MED15: variants seen among roughly 807,000 people sequenced by gnomAD.
The protein encoded by MED15 is mediator of RNA polymerase II transcription subunit 15.
A neutral mutation model predicts 118.7 loss-of-function variants in MED15; 41 were observed. The observed-to-expected ratio is 0.35, with a 90% CI of 0.27 to 0.45. The LOEUF is 0.45. Ranked by LOEUF, MED15 falls within the 20% of genes least tolerant of loss-of-function variation. The pLI is 1.00. For missense variants in MED15, 740 were observed against 1,025.5 expected, an observed-to-expected ratio of 0.72 and a Z score of 3.80; for synonymous variants, 436 against 413.9, an observed-to-expected ratio of 1.05 and a Z score of -0.65.
chr22:20,568,905 T>C (rs1350268605), intron 8 of MED15, among the ~76,000 whole-genome samples: 2 of 152,318 alleles, frequency 1.3e-5, no homozygotes, highest in African/African-American at 4.8e-5. Context: ...CTTGCCACTC[T>C]GAGTGACTCT....
chr22:20,565,585 C>T (rs2056405008), intron 6 of MED15, among the ~76,000 whole-genome samples: 2 of 152,220 alleles, frequency 1.3e-5, no homozygotes, highest in South Asian at 4.1e-4. Flanking sequence ...AGGGCCCCAC[C>T]ACCCTCCCAC....
intron 7 of MED15, among the ~76,000 whole-genome samples, chr22:20,568,083 C>T (rs2056508351): frequency 6.6e-6 from 1 of 152,210 alleles, no homozygotes; most frequent in Non-Finnish European, 1.5e-5. Context: ...TTAAGCGATC[C>T]ACTGGCCTTG....
At chr22:20,569,954 GC>G (rs1049305519) in intron 8 of MED15, among the ~76,000 whole-genome samples, 7 of 152,316 alleles carry the variant, frequency 4.6e-5, no homozygotes, top group African/African-American at 1.4e-4. Flanking sequence ...CATAGTGACT[GC>G]CCACCCAGTG....
intron 1 of MED15, among the ~76,000 whole-genome samples, chr22:20,514,514 A>G (rs1460970383): frequency 6.6e-6 from 1 of 152,202 alleles, no homozygotes; most frequent in East Asian, 1.9e-4. Flanking sequence ...TAAAGATGAA[A>G]TAAATAGATG....
At chr22:20,554,869 C>T (rs751702451) in intron 4 of MED15, 67 bp from the exon 5 acceptor site, 58 of 1,453,224 alleles carry the variant, frequency 4.0e-5, no homozygotes, top group Middle Eastern at 2.5e-4. Flanking sequence ...GTGAGCCTTA[C>T]GCCCTTTGAG....
chr22:20,532,686 C>T (rs956464096), intron 1 of MED15, among the ~76,000 whole-genome samples: 8 of 152,176 alleles, frequency 5.3e-5, no homozygotes, highest in South Asian at 4.1e-4. Context: ...TCAGCTAGAG[C>T]GAGCACCACC....
At chr22:20,550,754 G>T (rs191297485) in intron 2 of MED15, among the ~76,000 whole-genome samples, 1 of 152,404 alleles carries the variant, frequency 6.6e-6, no homozygotes, top group African/African-American at 2.4e-5. Context: ...GAGTGTCCTT[G>T]GGGCCAAAGA....
chr22:20,530,112 G>T (rs1470116377), intron 1 of MED15, among the ~76,000 whole-genome samples: 2 of 152,082 alleles, frequency 1.3e-5, no homozygotes, highest in Admixed American at 6.6e-5. Context: ...TCCTGATATT[G>T]TATAACTCTC....
rs746379826 is a variant in MED15 at position 20,575,149 on chromosome 22, A to G, written c.1189A>G (p.Ile397Val). ...TEALAQGGMH[I>V]RARFPPTTAV... ...AGCCTTGGCCCAAGGTGGGATGCACATAAGAGCCCGGTTCCCGCCTACCAC... is the reference window on the plus strand; with the variant it reads ...AGCCTTGGCCCAAGGTGGGATGCACGTAAGAGCCCGGTTCCCGCCTACCAC... The change falls in exon 9 of 18, where the codon ATA becomes GTA. Residue 397 changes from isoleucine (I) to valine (V), a missense_variant. Physicochemically the swap from Ile to Val is conservative, Grantham distance 29 (BLOSUM62 3). Transcript: ENST00000263205. The G allele has an allele frequency of 3.2e-5, 52 of 1,614,100 alleles. No homozygotes were observed. The highest frequency in any genetic ancestry group is 3.3e-4 in the Middle Eastern group (2 of 6,082).
rs576973708 is a variant in MED15, at chr22:20,530,171, G to A, written c.69-6946G>A. Among the ~76,000 whole-genome samples the A allele has an allele frequency of 2.0e-5, 3 of 152,186 alleles. No homozygotes were observed. The East Asian group carries it at 5.8e-4, about 29-fold the overall frequency. ...GTGATTTAGGTTTTTAAACACATAG[G>A]GTAAAGGGTCCCACATACAAGCTGT... is the stretch of plus-strand genomic sequence containing the variant. On this transcript the variant is annotated intron_variant, in intron 1 of 17. Coordinates refer to ENST00000263205, the MANE Select transcript of MED15 (RefSeq NM_001003891.3).
rs547941187 is a variant in MED15 at position 20,578,065 on chromosome 22, C to G, written c.1272+2833C>G. 9.9e-5 allele frequency among the ~76,000 whole-genome samples: 15 copies of G among 152,260 alleles called. No homozygotes were observed. In the East Asian group the frequency reaches 2.9e-3, roughly 29 times the overall value. On this transcript the variant is annotated intron_variant, in intron 9 of 17. Coordinates refer to ENST00000263205, the MANE Select transcript of MED15 (RefSeq NM_001003891.3). ...TCAGCCTCTCGAGTAGCTGGGACTA[C>G]AGGCGCCTGCCACCACATCTGGCTA...
chr22:20,561,732 A>G (rs1400506969), intron 5 of MED15, among the ~76,000 whole-genome samples: 3 of 152,164 alleles, frequency 2.0e-5, no homozygotes, highest in African/African-American at 7.2e-5. Context: ...AGATGAAGAA[A>G]GGCCAAGTGC....
At chr22:20,558,373 C>A (rs1030082426) in intron 5 of MED15, among the ~76,000 whole-genome samples, 12 of 151,906 alleles carry the variant, frequency 7.9e-5, no homozygotes, top group African/African-American at 2.4e-4. Flanking sequence ...AAGGGTAGGC[C>A]AGGGGACATT....
chr22:20,548,141 CTTTGATTTGTTTTT>C (rs1487927744), intron 2 of MED15, among the ~76,000 whole-genome samples: 1 of 151,488 alleles, frequency 6.6e-6, no homozygotes, highest in Non-Finnish European at 1.5e-5. Flanking sequence ...CTGTGCCTAG[CTTTGATTTGTTTTT>C]TTTGTTTTTT....
rs2057170696 is a variant in MED15, at chr22:20,587,547, GAGA to G, written c.*847_*849del. 5.7e-6 allele frequency: 2 copies of G among 349,714 alleles called. No individual in the cohort carries two copies. Among genetic ancestry groups the G allele is most frequent in the African/African-American group, 4.3e-5 (2 of 47,022 alleles). 21.7% of individuals were successfully genotyped at this position (349,714 alleles called of 1,614,324 possible). On this transcript the variant is annotated 3_prime_UTR_variant, in exon 18 of 18. Transcript: ENST00000263205. Reference sequence around the variant, plus strand: ...TGGGCACCGGCCAGCACCCTCTGGTGAGAAGAGGTCCCCCCTTTTTATGTGCAC... The same window carrying G: ...TGGGCACCGGCCAGCACCCTCTGGTGAGAGGTCCCCCCTTTTTATGTGCAC...
rs752617685 is a variant in MED15 at position 20,564,525 on chromosome 22, C to T, written c.527C>T (p.Ala176Val). The T allele has an allele frequency of 2.5e-6, 4 of 1,599,208 alleles. No individual in the cohort carries two copies. The highest frequency in any genetic ancestry group is 1.7e-4 in the Middle Eastern group (1 of 5,904). The change falls in exon 6 of 18, where the codon GCG becomes GTG. Residue 176 changes from alanine to valine, a missense_variant. By Grantham distance (64) the Ala-to-Val change is moderately conservative. Transcript: ENST00000263205. The part of the protein sequence containing the change: ...QQQFQQQQQA[A>V]LQQQQQQQQQ... ...CAGTTCCAGCAGCAGCAGCAGGCGG[C>T]GCTACAGCAGCAGCAGCAGCAGCAG... is the stretch of plus-strand genomic sequence containing the variant.
At chr22:20,542,330 C>T (rs2055345386) in intron 2 of MED15, among the ~76,000 whole-genome samples, 1 of 152,238 alleles carries the variant, frequency 6.6e-6, no homozygotes, top group East Asian at 1.9e-4. Flanking sequence ...CAAATGTCTA[C>T]CAGCTGATGA....
intron 6 of MED15, among the ~76,000 whole-genome samples, chr22:20,565,595 C>A (rs1411675327): frequency 1.3e-5 from 2 of 152,164 alleles, no homozygotes; most frequent in Non-Finnish European, 2.9e-5. Context: ...CACCCTCCCA[C>A]CCCTTCAGGC....
intron 1 of MED15, among the ~76,000 whole-genome samples, chr22:20,527,293 C>A (rs1457889140): frequency 2.6e-5 from 4 of 152,136 alleles, no homozygotes; most frequent in Non-Finnish European, 4.4e-5. Flanking sequence ...GTGATTTCCT[C>A]AATTTTTTCT....
Sources: gnomAD v4.1 joint callset for allele counts (sites outside exome capture counted in the v4.1 genomes callset) on GRCh38, gnomAD v4.1.1 for gene constraint, MANE v1.5 for transcripts, NCBI Gene and HGNC (gene_info 2026-07-23, HGNC 2026-07-21) for gene names.